Variants in PLCXD3 observed in about 807,000 individuals in gnomAD.
PLCXD3 encodes the protein PI-PLC X domain-containing protein 3.
PLCXD3 carries 19 observed loss-of-function variants against 25.5 expected under a neutral mutation model. The observed-to-expected ratio is 0.75, with a 90% confidence interval of 0.52 to 1.09. The LOEUF is 1.09. Ranked by LOEUF, PLCXD3 falls within the 50% of genes least tolerant of loss-of-function variation. The probability of loss-of-function intolerance (pLI) is 0.00; values close to 1 mark genes in which losing one functional copy is unlikely to be tolerated. For synonymous variants in PLCXD3, 174 were observed against 137.6 expected (o/e 1.26, Z -1.85); for missense variants, 411 against 388.1 (o/e 1.06, Z -0.50).
intron 1 of PLCXD3, among the ~76,000 whole-genome samples, chr5:41,439,321 G>C (rs561014001): frequency 6.6e-6 from 1 of 152,204 alleles, no homozygotes; most frequent in South Asian, 2.1e-4. Flanking sequence ...CTTAGTACTA[G>C]AACCTTGACT....
At chr5:41,336,359 T>C (rs1209311548) in intron 2 of PLCXD3, among the ~76,000 whole-genome samples, 4 of 152,142 alleles carry the variant, frequency 2.6e-5, no homozygotes, top group Non-Finnish European at 5.9e-5. Context: ...ATAAAGCATA[T>C]AAAATTTCGT....
intron 1 of PLCXD3, among the ~76,000 whole-genome samples, chr5:41,425,989 T>C (rs1414293020): frequency 2.0e-5 from 3 of 152,166 alleles, no homozygotes; most frequent in African/African-American, 7.2e-5. Context: ...GATTGCTGGA[T>C]TGTATGATAA....
intron 1 of PLCXD3, among the ~76,000 whole-genome samples, chr5:41,387,817 T>C (rs552488073): frequency 6.6e-6 from 1 of 152,264 alleles, no homozygotes; most frequent in South Asian, 2.1e-4. Context: ...ATTGTTCTCA[T>C]CCTCATAAAT....
chr5:41,496,758 C>A (rs1191031716), intron 1 of PLCXD3, among the ~76,000 whole-genome samples: 3 of 150,474 alleles, frequency 2.0e-5, no homozygotes, highest in Non-Finnish European at 4.4e-5. Context: ...AACTATGTAA[C>A]TTAATGGTAA....
intron 1 of PLCXD3, among the ~76,000 whole-genome samples, chr5:41,387,916 G>C (rs1745689037): frequency 6.6e-6 from 1 of 152,084 alleles, no homozygotes; most frequent in African/African-American, 2.4e-5. Flanking sequence ...GCATGGGGTA[G>C]AGAGGAGAAA....
In PLCXD3 at chr5:41,419,536, A is replaced by G. The variant is rs141915669; in HGVS notation, c.104-37002T>C. ...AAACAGTAGATAGTATTTCTGCTCC[A>G]TGTTAACCATGAAGCAATTAAAAAA... is the stretch of plus-strand genomic sequence containing the variant. On this transcript the variant is annotated intron_variant, in intron 1 of 2. Transcript: ENST00000377801. Among the ~76,000 whole-genome samples, 405 of 152,294 alleles carry G rather than the reference A, an allele frequency of 2.7e-3. 2 individuals carry two copies. Among genetic ancestry groups the G allele is most frequent in the African/African-American group, 8.7e-3 (362 of 41,570 alleles).
At chr5:41,404,495 G>A (rs1008345573) in intron 1 of PLCXD3, among the ~76,000 whole-genome samples, 2 of 152,022 alleles carry the variant, frequency 1.3e-5, no homozygotes, top group African/African-American at 4.8e-5. Context: ...GATTTAAGTT[G>A]CAGAATTTAG....
intron 1 of PLCXD3, among the ~76,000 whole-genome samples, chr5:41,508,154 C>A (rs1381792568): frequency 6.6e-6 from 1 of 152,138 alleles, no homozygotes; most frequent in East Asian, 1.9e-4. Flanking sequence ...ATAATACCAA[C>A]AGGAGCTGGG....
At chr5:41,332,332 C>A (rs1053155097) in intron 2 of PLCXD3, among the ~76,000 whole-genome samples, 2 of 152,052 alleles carry the variant, frequency 1.3e-5, no homozygotes, top group African/African-American at 2.4e-5. Flanking sequence ...AGCCAAAAAA[C>A]ACATGAAAAA....
intron 1 of PLCXD3, among the ~76,000 whole-genome samples, chr5:41,463,885 TA>T (rs1396149814): frequency 4.2e-5 from 6 of 141,252 alleles, no homozygotes; most frequent in Non-Finnish European, 6.6e-5. Flanking sequence ...TTTGAAAACT[TA>T]TCCTCTCAAA....
At chr5:41,469,769 G>A (rs1012245153) in intron 1 of PLCXD3, among the ~76,000 whole-genome samples, 10 of 152,170 alleles carry the variant, frequency 6.6e-5, no homozygotes, top group African/African-American at 1.9e-4. Flanking sequence ...TACCATTGTG[G>A]TAGGCAGGCA....
intron 1 of PLCXD3, among the ~76,000 whole-genome samples, chr5:41,392,381 G>T (rs74985066): frequency 0.11 from 16,541 of 152,122 alleles, 1,062 homozygotes; most frequent in Admixed American, 0.17. Context: ...CTGTATATTT[G>T]GGATAAAGTA....
intron 1 of PLCXD3, among the ~76,000 whole-genome samples, chr5:41,392,158 G>A (rs929760778): frequency 1.3e-5 from 2 of 152,194 alleles, no homozygotes; most frequent in African/African-American, 4.8e-5. Context: ...CACAAGCCTG[G>A]CTAGCTTTGC....
At chr5:41,391,033 G>C (rs183178779) in intron 1 of PLCXD3, among the ~76,000 whole-genome samples, 1 of 152,198 alleles carries the variant, frequency 6.6e-6, no homozygotes, top group Non-Finnish European at 1.5e-5. Context: ...CCTAGCCAGA[G>C]GGAGAATTGC....
intron 1 of PLCXD3, among the ~76,000 whole-genome samples, chr5:41,384,052 C>CGGT (rs1745564859): frequency 1.3e-5 from 2 of 152,140 alleles, no homozygotes; most frequent in African/African-American, 4.8e-5. Context: ...CCCTGAAAAT[C>CGGT]ATAACCTTTA....
In PLCXD3 at chr5:41,442,813, C is replaced by T. The variant is rs143047238; in HGVS notation, c.104-60279G>A. Among the ~76,000 whole-genome samples the T allele has an allele frequency of 2.5e-3, 382 of 152,226 alleles. 1 individual carries two copies. The highest frequency in any genetic ancestry group is 4.6e-3 in the Non-Finnish European group (314 of 67,998). On this transcript the variant is annotated intron_variant, in intron 1 of 2. Coordinates refer to ENST00000377801, the MANE Select transcript of PLCXD3 (RefSeq NM_001005473.3). ...CTTCAAATCAAATCTGATTGCATTA[C>T]TCTTGTCTTCCTTGTTCTTCTTCCT...
At chr5:41,322,305 G>A (rs1743496441) in intron 2 of PLCXD3, among the ~76,000 whole-genome samples, 1 of 152,114 alleles carries the variant, frequency 6.6e-6, no homozygotes, top group Admixed American at 6.5e-5. Flanking sequence ...ACATACAAAT[G>A]GCAAACAGAC....
intron 1 of PLCXD3, among the ~76,000 whole-genome samples, chr5:41,429,027 G>A (rs1206569308): frequency 2.0e-5 from 3 of 152,120 alleles, no homozygotes; most frequent in Non-Finnish European, 4.4e-5. Context: ...AAGACGTGTT[G>A]CTTCCTGGAA....
intron 2 of PLCXD3, among the ~76,000 whole-genome samples, chr5:41,371,034 G>A (rs996664947): frequency 6.6e-6 from 1 of 152,096 alleles, no homozygotes; most frequent in African/African-American, 2.4e-5. Flanking sequence ...AAGTCAAGTT[G>A]ACTGAAAATA....
Sources: gnomAD v4.1 joint callset for allele counts (sites outside exome capture counted in the v4.1 genomes callset) on GRCh38, gnomAD v4.1.1 for gene constraint, MANE v1.5 for transcripts, NCBI Gene and HGNC (gene_info 2026-07-23, HGNC 2026-07-21) for gene names.